The following MICAL2 variants were observed in gnomAD, a reference collection of about 807,000 sequenced individuals.
MICAL2 encodes the protein microtubule associated monooxygenase, calponin and LIM domain containing 2.
MICAL2 carries 77 observed loss-of-function variants against 127.3 expected under a neutral mutation model. The observed-to-expected ratio is 0.60, with a 90% CI of 0.50 to 0.73. MICAL2 has a LOEUF of 0.73. Among genes scored for constraint, MICAL2 ranks in the 30% least tolerant of loss-of-function variants. The pLI, the probability that MICAL2 is intolerant of heterozygous loss-of-function variation, is 0.00. For missense variants in MICAL2, 1,351 were observed against 1,434.4 expected (o/e 0.94, Z 0.94); for synonymous variants, 570 against 551.1 (o/e 1.03, Z -0.48).
chr11:12,316,029 AT>A (rs1472706075), intron 29 of MICAL2, among the ~76,000 whole-genome samples: 1 of 152,064 alleles, frequency 6.6e-6, no homozygotes, highest in East Asian at 1.9e-4. Flanking sequence ...TTATTATGGA[AT>A]GTCCCTCTTT....
intron 33 of MICAL2, among the ~76,000 whole-genome samples, chr11:12,354,348 T>C (rs2134907876): frequency 6.6e-6 from 1 of 152,180 alleles, no homozygotes; most frequent in South Asian, 2.1e-4. Context: ...GGCAGATGCC[T>C]GTAATCCCAG....
intron 32 of MICAL2, among the ~76,000 whole-genome samples, chr11:12,346,565 C>T (rs10831799): frequency 0.11 from 17,224 of 152,224 alleles, 1,197 homozygotes; most frequent in South Asian, 0.22. Flanking sequence ...TTCCCCTCCT[C>T]TCCCTGGCAA....
chr11:12,346,539 C>G (rs7124235), intron 32 of MICAL2, among the ~76,000 whole-genome samples: 6,319 of 152,220 alleles, frequency 0.042, 457 homozygotes, highest in African/African-American at 0.15. Context: ...AACAAATGTC[C>G]GTGAATGCCT....
chr11:12,285,418 TC>T (rs1863814182), intron 2 of MICAL2, among the ~76,000 whole-genome samples: 1 of 152,150 alleles, frequency 6.6e-6, no homozygotes, highest in Non-Finnish European at 1.5e-5. Flanking sequence ...GGCAGTCTTG[TC>T]CCCAGGCAGG....
intron 2 of MICAL2, among the ~76,000 whole-genome samples, chr11:12,156,738 C>A (rs1305329235): frequency 6.6e-6 from 1 of 152,228 alleles, no homozygotes; most frequent in Admixed American, 6.5e-5. Flanking sequence ...TGTGGGGATG[C>A]ACCAGGTGTG....
intron 1 of MICAL2, among the ~76,000 whole-genome samples, chr11:12,277,224 C>T (rs1346468790): frequency 1.3e-5 from 2 of 152,010 alleles, no homozygotes; most frequent in Non-Finnish European, 2.9e-5. Flanking sequence ...GTCTTTCATC[C>T]TCCAACTGGC....
chr11:12,349,594 A>G (rs983015387), intron 32 of MICAL2, among the ~76,000 whole-genome samples: 5 of 152,282 alleles, frequency 3.3e-5, no homozygotes, highest in African/African-American at 1.2e-4. Context: ...TTATGTGACC[A>G]TTGGAACTGG....
At position 12,281,004 on chromosome 11, in the gene MICAL2, G is replaced by A. The variant is rs181498005; in HGVS notation, c.161G>A (p.Arg54Gln). ...GAACCCTGTGAAGAGAAACCCTGGC[G>A]GCCAGGATCCCCGCATCTACCGCAC... The change falls in exon 2 of 3, where the codon CGG becomes CAG. Residue 54 changes from arginine to glutamine, a missense_variant. Coordinates refer to the MICAL2 transcript ENST00000529028. 1.7e-4 allele frequency: 66 copies of A among 399,186 alleles called. No homozygotes were observed. In the Middle Eastern group the frequency reaches 2.5e-3, roughly 15 times the overall value. The allele number at this position is 399,186 out of a possible 1,614,324, so 24.7% of individuals were successfully genotyped here.
At chr11:12,280,465 C>T (rs1326787037) in intron 1 of MICAL2, among the ~76,000 whole-genome samples, 1 of 152,192 alleles carries the variant, frequency 6.6e-6, no homozygotes, top group African/African-American at 2.4e-5. Flanking sequence ...GATTTGGAGG[C>T]TGGAAGTCTG....
At chr11:12,250,750 C>G (rs1339317384) in intron 22 of MICAL2, among the ~76,000 whole-genome samples, 2 of 152,216 alleles carry the variant, frequency 1.3e-5, no homozygotes, top group Non-Finnish European at 1.5e-5. Context: ...AAACTAGAGG[C>G]TGGAACATGA....
Position 12,260,635 on chromosome 11 carries a change from G to C in MICAL2, c.3334+738G>C, listed in dbSNP as rs7109053. On this transcript the variant is annotated intron_variant, in intron 26 of 27. Coordinates refer to ENST00000683283, the MANE Select transcript of MICAL2 (RefSeq NM_001282663.2). Reference sequence around the variant, plus strand: ...CTCCTGACCAGTGCCTTTTGACTTAGGTACCCAGATGCCACTTGTCAGCAG... The same window carrying C: ...CTCCTGACCAGTGCCTTTTGACTTACGTACCCAGATGCCACTTGTCAGCAG... The C allele has an allele frequency of 1.1e-3, 1,074 of 986,866 alleles. 7 individuals are homozygous for C. In the African/African-American group the frequency reaches 0.017, roughly 15 times the overall value. 61.1% of individuals were successfully genotyped at this position (986,866 alleles called of 1,614,324 possible).
intron 15 of MICAL2, among the ~76,000 whole-genome samples, chr11:12,228,553 G>A (rs973638643): frequency 6.6e-6 from 1 of 152,238 alleles, no homozygotes; most frequent in Admixed American, 6.5e-5. Context: ...GGAAGATAGG[G>A]AGAAAACTGA....
chr11:12,260,288 C>T, intron 26 of MICAL2: 1 of 1,427,356 alleles, frequency 7.0e-7, no homozygotes, highest in Non-Finnish European at 9.1e-7. Flanking sequence ...GCAATTAGCT[C>T]AAAGCCAAAG....
At chr11:12,268,137 C>T (rs964897459), downstream of MICAL2, among the ~76,000 whole-genome samples, 1 of 152,242 alleles carries the variant, frequency 6.6e-6, no homozygotes, top group African/African-American at 2.4e-5. Context: ...GTCTGGCTGG[C>T]ATCCAGCATG....
rs182746978 is a variant in MICAL2 at position 12,344,534 on chromosome 11, C to A, written c.5516-5304C>A. Among the ~76,000 whole-genome samples, 342 of 146,826 alleles carry A rather than the reference C, an allele frequency of 2.3e-3. 1 individual carries two copies. Among genetic ancestry groups the A allele is most frequent in the African/African-American group, 8.0e-3 (325 of 40,508 alleles). ...TATTATTTTGAGATGGAGTTTTGCT[C>A]CTGTTGCCCAGGCTGGAGTGCAATG... On this transcript the variant is annotated intron_variant, in intron 32 of 34. Coordinates refer to the MICAL2 transcript ENST00000646065.
At position 12,227,104 on chromosome 11, in the gene MICAL2, C is replaced by T. The variant is rs1205161444; in HGVS notation, c.1968C>T (p.Leu656=). The T allele has an allele frequency of 1.2e-6, 2 of 1,613,946 alleles. No homozygotes were observed. Among genetic ancestry groups the T allele is most frequent in the South Asian group, 1.1e-5 (1 of 91,074 alleles). Residue 656 remains leucine (L), a synonymous_variant, in exon 15 of 28, where the codon CTC becomes CTT. Coordinates refer to ENST00000683283, the MANE Select transcript of MICAL2 (RefSeq NM_001282663.2). The part of the protein sequence containing the change: ...KSSISNNYLN[L]TFPRKRTPRV... Reference sequence around the variant, plus strand: ...CCATTTCTAATAACTATCTCAACCTCACATTTCCAAGGAAGAGGACTCCAC... The same window carrying T: ...CCATTTCTAATAACTATCTCAACCTTACATTTCCAAGGAAGAGGACTCCAC...
chr11:12,234,888 G>A (rs1320791837), intron 15 of MICAL2, among the ~76,000 whole-genome samples: 1 of 152,136 alleles, frequency 6.6e-6, no homozygotes, highest in Admixed American at 6.5e-5. Context: ...GGGCTGATTG[G>A]GCTGTATGCC....
downstream of MICAL2, among the ~76,000 whole-genome samples, chr11:12,296,222 C>T (rs1014931678): frequency 6.6e-6 from 1 of 151,910 alleles, no homozygotes. Flanking sequence ...GTGATCCTAC[C>T]ATCCCTATTG....
At chr11:12,174,738 T>C (rs567450126) in intron 3 of MICAL2, among the ~76,000 whole-genome samples, 1 of 152,316 alleles carries the variant, frequency 6.6e-6, no homozygotes, top group South Asian at 2.1e-4. Context: ...ATTCAACTTT[T>C]TGAGGAACCA....
Sources: gnomAD v4.1 joint callset for allele counts (sites outside exome capture counted in the v4.1 genomes callset) on GRCh38, gnomAD v4.1.1 for gene constraint, MANE v1.5 for transcripts, NCBI Gene and HGNC (gene_info 2026-07-23, HGNC 2026-07-21) for gene names.